Variants in APBB2 observed in about 807,000 individuals in gnomAD.
The protein encoded by APBB2 is amyloid beta precursor protein binding family B member 2.
A neutral mutation model predicts 82.5 loss-of-function variants in APBB2; 38 were observed. The ratio of observed to expected loss-of-function variants is 0.46; its 90% confidence interval spans 0.36 to 0.60. The LOEUF is 0.60. APBB2 is among the 20% of genes least tolerant of loss of function. The pLI, the probability that APBB2 is intolerant of heterozygous loss-of-function variation, is 0.00. For synonymous variants in APBB2, 341 were observed against 368.2 expected (o/e 0.93, Z 0.85); for missense variants, 772 against 972.3 (o/e 0.79, Z 2.74).
At chr4:40,909,552 A>G (rs1777988709) in intron 10 of APBB2, among the ~76,000 whole-genome samples, 1 of 152,208 alleles carries the variant, frequency 6.6e-6, no homozygotes, top group African/African-American at 2.4e-5. Flanking sequence ...CTGCCCAGGA[A>G]CCAGGCTGGC....
At position 40,912,858 on chromosome 4, in the gene APBB2, G is replaced by A. The variant is rs142256162; in HGVS notation, c.1255-19447C>T. Among the ~76,000 whole-genome samples the A allele has an allele frequency of 3.1e-4, 47 of 152,262 alleles. No individual in the cohort carries two copies. In the East Asian group the frequency reaches 6.4e-3, roughly 21 times the overall value. On this transcript the variant is annotated intron_variant, in intron 10 of 17. Transcript: ENST00000508593. ...ATCCCGCTTCTATTCCTGCTGATACGCAGCAGATGTCTGCGCTACTGGGAA... is the reference window on the plus strand; with the variant it reads ...ATCCCGCTTCTATTCCTGCTGATACACAGCAGATGTCTGCGCTACTGGGAA...
intron 5 of APBB2, among the ~76,000 whole-genome samples, chr4:41,031,825 T>A (rs1328864131): frequency 6.6e-6 from 1 of 152,240 alleles, no homozygotes; most frequent in Non-Finnish European, 1.5e-5. Context: ...ACATTTAAAA[T>A]CTATTTTCTA....
At position 41,050,025 on chromosome 4, in the gene APBB2, T is replaced by C. The variant is rs201391442; in HGVS notation, c.-51+15551A>G. Reference sequence around the variant, plus strand: ...TGCCTAGGAAAACCAGAGACCTGTGTTCACTTGTTTATCTGCTGACCTTCC... The same window carrying C: ...TGCCTAGGAAAACCAGAGACCTGTGCTCACTTGTTTATCTGCTGACCTTCC... On this transcript the variant is annotated intron_variant, in intron 4 of 17. Transcript: ENST00000508593. Among the ~76,000 whole-genome samples, 19 of 152,182 alleles carry C rather than the reference T, an allele frequency of 1.2e-4. No homozygotes were observed. In the East Asian group the frequency reaches 3.7e-3, roughly 29 times the overall value.
intron 1 of APBB2, among the ~76,000 whole-genome samples, chr4:41,188,358 T>C (rs981038107): frequency 6.6e-6 from 1 of 152,136 alleles, no homozygotes; most frequent in South Asian, 2.1e-4. Flanking sequence ...AGACTGAATG[T>C]TTGTTCCCCT....
chr4:41,193,664 A>G, intron 1 of APBB2: 1 of 579,318 alleles, frequency 1.7e-6, no homozygotes, highest in Non-Finnish European at 2.2e-6. Context: ...ACCCAGTTGG[A>G]TACAGAACCA....
intron 12 of APBB2, among the ~76,000 whole-genome samples, chr4:40,865,362 T>C (rs1763799032): frequency 6.6e-6 from 1 of 152,166 alleles, no homozygotes; most frequent in African/African-American, 2.4e-5. Context: ...AAACTCAAGC[T>C]GAAACAGATA....
intron 12 of APBB2, among the ~76,000 whole-genome samples, chr4:40,871,462 G>A (rs1262224855): frequency 6.6e-6 from 1 of 152,162 alleles, no homozygotes; most frequent in African/African-American, 2.4e-5. Flanking sequence ...CTTTTCTGAA[G>A]TTTCCTCTTC....
intron 3 of APBB2, among the ~76,000 whole-genome samples, chr4:41,071,634 T>C (rs913628394): frequency 2.6e-5 from 4 of 152,120 alleles, no homozygotes; most frequent in East Asian, 1.9e-4. Context: ...TGAGCAGAGA[T>C]CATGCCACTG....
At chr4:41,091,326 G>T (rs191006758) in intron 3 of APBB2, among the ~76,000 whole-genome samples, 2 of 151,830 alleles carry the variant, frequency 1.3e-5, no homozygotes, top group Non-Finnish European at 2.9e-5. Flanking sequence ...ACTTCTGCAC[G>T]TCCAAAGCAG....
intron 1 of APBB2, among the ~76,000 whole-genome samples, chr4:41,162,304 C>A (rs1439866336): frequency 6.8e-6 from 1 of 146,488 alleles, no homozygotes; most frequent in African/African-American, 2.5e-5. Flanking sequence ...TCTTAAATTT[C>A]TTTTAATCTC....
At chr4:40,910,655 C>T (rs546670110) in intron 10 of APBB2, among the ~76,000 whole-genome samples, 1 of 152,222 alleles carries the variant, frequency 6.6e-6, no homozygotes, top group East Asian at 1.9e-4. Context: ...CCTCTGTATA[C>T]CCACCACCCA....
chr4:41,157,527 G>A (rs1198223956), intron 1 of APBB2, among the ~76,000 whole-genome samples: 1 of 152,162 alleles, frequency 6.6e-6, no homozygotes, highest in Non-Finnish European at 1.5e-5. Context: ...TATGAGAGAT[G>A]GAATTGTAAA....
chr4:41,190,148 G>A (rs566542405), intron 1 of APBB2, among the ~76,000 whole-genome samples: 48 of 147,968 alleles, frequency 3.2e-4, no homozygotes, highest in African/African-American at 1.1e-3. Flanking sequence ...AAATAAAAAT[G>A]TCCCATAGTT....
At chr4:40,893,121 G>A in intron 11 of APBB2, 144 bp downstream of exon 11, 1 of 956,146 alleles carries the variant, frequency 1.0e-6, no homozygotes, top group Non-Finnish European at 1.6e-6. Context: ...GGGGTACCAT[G>A]CCTACACTTC....
intron 10 of APBB2, among the ~76,000 whole-genome samples, chr4:40,933,189 T>C (rs185089973): frequency 6.6e-6 from 1 of 152,296 alleles, no homozygotes; most frequent in East Asian, 1.9e-4. Flanking sequence ...AATTGCTATT[T>C]AATGTTACAA....
chr4:40,967,956 T>C (rs528508840), intron 6 of APBB2, among the ~76,000 whole-genome samples: 13 of 152,204 alleles, frequency 8.5e-5, no homozygotes, highest in Middle Eastern at 3.4e-3. Context: ...TGGGTAGAAA[T>C]AGAGTCCGAT....
chr4:41,195,118 C>A, intron 1 of APBB2, among the ~76,000 whole-genome samples: 1 of 152,102 alleles, frequency 6.6e-6, no homozygotes, highest in Non-Finnish European at 1.5e-5. Context: ...TCCGTCTTCA[C>A]CCCCTCCCTG....
chr4:41,210,838 C>T (rs1467859075), intron 1 of APBB2, among the ~76,000 whole-genome samples: 1 of 152,206 alleles, frequency 6.6e-6, no homozygotes, highest in Non-Finnish European at 1.5e-5. Context: ...AGCTCTATTG[C>T]TGTGAAATCA....
At chr4:40,921,129 T>A (rs1381365663) in intron 10 of APBB2, among the ~76,000 whole-genome samples, 48 of 152,126 alleles carry the variant, frequency 3.2e-4, no homozygotes, top group Non-Finnish European at 4.4e-5. Flanking sequence ...CCAGAAGTGG[T>A]GATAAAACTG....
Sources: gnomAD v4.1 joint callset for allele counts (sites outside exome capture counted in the v4.1 genomes callset) on GRCh38, gnomAD v4.1.1 for gene constraint, MANE v1.5 for transcripts, NCBI Gene and HGNC (gene_info 2026-07-23, HGNC 2026-07-21) for gene names.